Variants in DDAH1 observed in about 807,000 individuals in gnomAD.
The protein encoded by DDAH1 is dimethylarginine dimethylaminohydrolase 1.
DDAH1 carries 19 observed loss-of-function variants against 28.8 expected under a neutral mutation model. The observed-to-expected ratio is 0.66, with a 90% CI of 0.46 to 0.97. The LOEUF (loss-of-function observed/expected upper bound fraction) is 0.97. DDAH1 is among the 50% of genes least tolerant of loss of function. The pLI is 0.00. For missense variants in DDAH1, 326 were observed against 375.9 expected (o/e 0.87, Z 1.10); for synonymous variants, 153 against 154.4 (o/e 0.99, Z 0.07).
intron 4 of DDAH1, among the ~76,000 whole-genome samples, chr1:85,330,453 T>C (rs1202445093): frequency 6.6e-6 from 1 of 152,166 alleles, no homozygotes; most frequent in Non-Finnish European, 1.5e-5. Flanking sequence ...ACTGCTCCAG[T>C]GCTGTATGTA....
At chr1:85,369,690 G>C (rs1162514493) in intron 1 of DDAH1, among the ~76,000 whole-genome samples, 1 of 152,198 alleles carries the variant, frequency 6.6e-6, no homozygotes, top group East Asian at 1.9e-4. Context: ...GAAGAGAGAA[G>C]AGCCCTGTGT....
chr1:85,358,433 T>C, intron 2 of DDAH1, among the ~76,000 whole-genome samples: 1 of 152,130 alleles, frequency 6.6e-6, no homozygotes, highest in East Asian at 1.9e-4. Context: ...GCAGATCACC[T>C]GAGGTCAGGA....
At chr1:85,549,042 T>C (rs1347372571) in intron 1 of DDAH1, among the ~76,000 whole-genome samples, 1 of 152,182 alleles carries the variant, frequency 6.6e-6, no homozygotes, top group African/African-American at 2.4e-5. Flanking sequence ...AGGCTAGAAC[T>C]CAAATTGGGC....
chr1:85,402,974 C>A (rs6704103), intron 1 of DDAH1, among the ~76,000 whole-genome samples: 99,035 of 150,306 alleles, frequency 0.66, 32,787 homozygotes, highest in African/African-American at 0.71. Context: ...GTTTAACCTC[C>A]ACAGATACCT....
intron 1 of DDAH1, among the ~76,000 whole-genome samples, chr1:85,564,954 T>C (rs1483385647): frequency 1.3e-5 from 2 of 151,816 alleles, no homozygotes; most frequent in Non-Finnish European, 2.9e-5. Flanking sequence ...TCCAGCACTT[T>C]GGGAGGCCAA....
upstream of DDAH1, among the ~76,000 whole-genome samples, chr1:85,465,966 C>T (rs1437103538): frequency 1.3e-5 from 2 of 152,242 alleles, no homozygotes; most frequent in East Asian, 3.8e-4. Flanking sequence ...CAGCAGCACC[C>T]TTGTTCCAGA....
intron 1 of DDAH1, among the ~76,000 whole-genome samples, chr1:85,521,441 C>T (rs546647045): frequency 8.6e-5 from 13 of 151,646 alleles, no homozygotes; most frequent in Middle Eastern, 3.4e-3. Context: ...ACCATACAGC[C>T]GCCAGTGTGA....
At chr1:85,412,471 T>C (rs1652693794) in intron 1 of DDAH1, among the ~76,000 whole-genome samples, 2 of 152,188 alleles carry the variant, frequency 1.3e-5, no homozygotes, top group African/African-American at 4.8e-5. Context: ...CTCTAAGCCT[T>C]TGCTCGGTTA....
chr1:85,443,551 C>T (rs1654298525), intron 1 of DDAH1, among the ~76,000 whole-genome samples: 1 of 152,088 alleles, frequency 6.6e-6, no homozygotes, highest in Non-Finnish European at 1.5e-5. Context: ...TAGTTTTTTC[C>T]AATTCTCTGA....
rs567543730 is a variant in DDAH1, at chr1:85,412,890, A to C, written c.303+51853T>G. ...GTGGCACACACCTTTAGACCCATCT[A>C]CTTGGGAGACTGAGGTGGGAGGACT... On this transcript the variant is annotated intron_variant, in intron 1 of 5. Coordinates refer to ENST00000284031, the MANE Select transcript of DDAH1 (RefSeq NM_012137.4). Among the ~76,000 whole-genome samples, 5 of 152,262 alleles carry C rather than the reference A, an allele frequency of 3.3e-5. No individual in the cohort carries two copies. The East Asian group carries it at 9.7e-4, about 29-fold the overall frequency.
intron 5 of DDAH1, among the ~76,000 whole-genome samples, chr1:85,323,502 T>C (rs1480723733): frequency 2.0e-5 from 3 of 152,220 alleles, no homozygotes; most frequent in Non-Finnish European, 4.4e-5. Context: ...AGAGCTCCCT[T>C]ATTGGAACAC....
intron 1 of DDAH1, among the ~76,000 whole-genome samples, chr1:85,366,830 A>G (rs556648326): frequency 5.9e-5 from 9 of 152,178 alleles, no homozygotes; most frequent in Admixed American, 2.0e-4. Context: ...TGTCAACTCA[A>G]CACTAACTTA....
At chr1:85,354,036 A>G (rs2100848963) in intron 2 of DDAH1, among the ~76,000 whole-genome samples, 1 of 152,324 alleles carries the variant, frequency 6.6e-6, no homozygotes, top group Non-Finnish European at 1.5e-5. Context: ...TGTCTCTGGC[A>G]GTACGTTGGA....
chr1:85,516,318 G>A (rs1474518167), intron 1 of DDAH1, among the ~76,000 whole-genome samples: 1 of 144,290 alleles, frequency 6.9e-6, no homozygotes, highest in Non-Finnish European at 1.5e-5. Flanking sequence ...GCTGGACAAA[G>A]TTTGGTGGTA....
At chr1:85,354,728 AT>A (rs1334764917) in intron 2 of DDAH1, among the ~76,000 whole-genome samples, 1 of 152,118 alleles carries the variant, frequency 6.6e-6, no homozygotes, top group Admixed American at 6.5e-5. Flanking sequence ...ATTACAAAAC[AT>A]TTAAAAAAAC....
At chr1:85,415,338 T>C (rs1373355527) in intron 1 of DDAH1, among the ~76,000 whole-genome samples, 1 of 152,176 alleles carries the variant, frequency 6.6e-6, no homozygotes, top group Non-Finnish European at 1.5e-5. Context: ...ACCCATTGCT[T>C]GTGAGAACAT....
chr1:85,459,757 A>T (rs1288540813), intron 1 of DDAH1, among the ~76,000 whole-genome samples: 1 of 152,208 alleles, frequency 6.6e-6, no homozygotes. Flanking sequence ...TTACGCACAA[A>T]CTGTGCCTAG....
At chr1:85,484,828 C>G (rs1440020203) in intron 2 of DDAH1, among the ~76,000 whole-genome samples, 1 of 152,184 alleles carries the variant, frequency 6.6e-6, no homozygotes, top group Non-Finnish European at 1.5e-5. Flanking sequence ...TCCTGTATGC[C>G]TTTTCAGCCT....
At chr1:85,532,910 AT>A (rs1315510290) in intron 1 of DDAH1, among the ~76,000 whole-genome samples, 5 of 152,234 alleles carry the variant, frequency 3.3e-5, no homozygotes, top group African/African-American at 1.2e-4. Context: ...AAAACCTTTA[AT>A]TGCTCCAAGA....
Sources: gnomAD v4.1 joint callset for allele counts (sites outside exome capture counted in the v4.1 genomes callset) on GRCh38, gnomAD v4.1.1 for gene constraint, MANE v1.5 for transcripts, NCBI Gene and HGNC (gene_info 2026-07-23, HGNC 2026-07-21) for gene names.